The following HS6ST3 variants were observed in gnomAD, a reference collection of about 807,000 sequenced individuals.
HS6ST3 encodes the protein heparan sulfate 6-O-sulfotransferase 3.
A neutral mutation model predicts 36.7 loss-of-function variants in HS6ST3; 12 were observed. The observed-to-expected ratio is 0.33, with a 90% CI of 0.21 to 0.53. The LOEUF is 0.53. HS6ST3 is among the 20% of genes least tolerant of loss of function. The pLI is 0.95. For missense variants in HS6ST3, 584 were observed against 640.9 expected (o/e 0.91, Z 0.96); for synonymous variants, 240 against 257.5 (o/e 0.93, Z 0.65).
chr13:96,583,751 T>C (rs1051925605), intron 1 of HS6ST3, among the ~76,000 whole-genome samples: 1 of 152,202 alleles, frequency 6.6e-6, no homozygotes, highest in African/African-American at 2.4e-5. Context: ...CATACGGCTC[T>C]TTATCATCAG....
chr13:96,389,219 T>C (rs2139450573), intron 1 of HS6ST3, among the ~76,000 whole-genome samples: 1 of 152,200 alleles, frequency 6.6e-6, no homozygotes, highest in Admixed American at 6.5e-5. Context: ...TTAACAAAAC[T>C]GTACGGGACT....
At chr13:96,769,498 C>A (rs1486255533) in intron 1 of HS6ST3, among the ~76,000 whole-genome samples, 2 of 135,256 alleles carry the variant, frequency 1.5e-5, no homozygotes, top group Non-Finnish European at 3.1e-5. Context: ...AAAGGAGAAG[C>A]TGTTAATGCA....
At chr13:96,431,360 C>A (rs1467335609) in intron 1 of HS6ST3, among the ~76,000 whole-genome samples, 1 of 152,148 alleles carries the variant, frequency 6.6e-6, no homozygotes, top group Non-Finnish European at 1.5e-5. Context: ...TCCTCCAAAT[C>A]TCATTGTCAG....
chr13:96,772,188 G>A (rs1877282182), intron 1 of HS6ST3, among the ~76,000 whole-genome samples: 1 of 152,172 alleles, frequency 6.6e-6, no homozygotes, highest in African/African-American at 2.4e-5. Flanking sequence ...AACTTGCAGA[G>A]CTATCAGAGT....
intron 1 of HS6ST3, among the ~76,000 whole-genome samples, chr13:96,646,301 C>T (rs2056588438): frequency 6.6e-6 from 1 of 151,986 alleles, no homozygotes; most frequent in South Asian, 2.1e-4. Flanking sequence ...CCTTTTCATA[C>T]TTTGCTGGAT....
At position 96,459,100 on chromosome 13, in the gene HS6ST3, TAAAAA is replaced by T. The variant is rs747439262; in HGVS notation, c.707+367552_707+367556del. On this transcript the variant is annotated intron_variant, in intron 1 of 1. Transcript: ENST00000376705. ...GCCTGGGCGACAGAGCAAGACTGTC[TAAAAA>T]AAAAAAAAAAAAAAAAAAAAGAGGT... Among the ~76,000 whole-genome samples the T allele has an allele frequency of 2.2e-3, 139 of 63,872 alleles. 3 individuals carry two copies. Among genetic ancestry groups the T allele is most frequent in the Non-Finnish European group, 2.5e-3 (94 of 37,344 alleles). The allele number at this position is 63,872 out of a possible 152,430, so 41.9% of individuals were successfully genotyped here.
intron 1 of HS6ST3, among the ~76,000 whole-genome samples, chr13:96,492,731 A>G (rs1417462115): frequency 1.3e-5 from 2 of 152,190 alleles, no homozygotes; most frequent in Admixed American, 6.5e-5. Context: ...GTCTTCTTAT[A>G]TATTAACAGG....
chr13:96,257,460 A>G (rs901812805), intron 1 of HS6ST3, among the ~76,000 whole-genome samples: 1 of 152,200 alleles, frequency 6.6e-6, no homozygotes, highest in African/African-American at 2.4e-5. Context: ...AAATTTGAAC[A>G]AAGACTAGTG....
intron 1 of HS6ST3, among the ~76,000 whole-genome samples, chr13:96,421,723 C>T (rs16951472): frequency 0.16 from 23,669 of 152,008 alleles, 1,976 homozygotes; most frequent in East Asian, 0.24. Flanking sequence ...GAATGCCTTC[C>T]GTCTCCATGT....
At chr13:96,144,706 A>G (rs2054048312) in intron 1 of HS6ST3, among the ~76,000 whole-genome samples, 1 of 151,356 alleles carries the variant, frequency 6.6e-6, no homozygotes, top group South Asian at 2.1e-4. Flanking sequence ...TTTGTTACAT[A>G]TGTATACATG....
intron 1 of HS6ST3, among the ~76,000 whole-genome samples, chr13:96,460,878 C>T (rs902343933): frequency 1.3e-5 from 2 of 152,138 alleles, no homozygotes; most frequent in Non-Finnish European, 2.9e-5. Flanking sequence ...AACTTATGTT[C>T]AAACAATGCA....
chr13:96,278,441 A>G (rs1435846290), intron 1 of HS6ST3, among the ~76,000 whole-genome samples: 1 of 152,214 alleles, frequency 6.6e-6, no homozygotes, highest in Non-Finnish European at 1.5e-5. Context: ...AGAAGGGTTC[A>G]GCAAAATGAT....
intron 1 of HS6ST3, among the ~76,000 whole-genome samples, chr13:96,779,979 G>A (rs1263219210): frequency 1.3e-5 from 2 of 152,120 alleles, no homozygotes; most frequent in East Asian, 3.8e-4. Flanking sequence ...GCTTGATCCT[G>A]TCAGTGTGAG....
At chr13:96,527,497 A>C (rs1009590856) in intron 1 of HS6ST3, among the ~76,000 whole-genome samples, 9 of 152,202 alleles carry the variant, frequency 5.9e-5, no homozygotes, top group Non-Finnish European at 1.3e-4. Context: ...TACACAATGT[A>C]ACTCTAGTTA....
chr13:96,224,685 G>A (rs1257779753), intron 1 of HS6ST3, among the ~76,000 whole-genome samples: 6 of 152,208 alleles, frequency 3.9e-5, no homozygotes, highest in Admixed American at 3.9e-4. Context: ...GTTCTAGGCA[G>A]AATATAAATT....
chr13:96,294,139 C>A (rs1056807890), intron 1 of HS6ST3, among the ~76,000 whole-genome samples: 1 of 152,048 alleles, frequency 6.6e-6, no homozygotes, highest in African/African-American at 2.4e-5. Flanking sequence ...AGGAATAATT[C>A]TCTCTTATTA....
intron 1 of HS6ST3, among the ~76,000 whole-genome samples, chr13:96,155,027 A>G (rs1306420793): frequency 6.6e-6 from 1 of 152,176 alleles, no homozygotes; most frequent in Non-Finnish European, 1.5e-5. Context: ...TAGAAGCAGT[A>G]TTAATGCTCA....
intron 1 of HS6ST3, among the ~76,000 whole-genome samples, chr13:96,786,364 T>C (rs1203684950): frequency 2.6e-5 from 4 of 152,200 alleles, no homozygotes. Context: ...TTTATTTATC[T>C]ACTCTAGTGC....
chr13:96,383,566 T>G (rs1354663450), intron 1 of HS6ST3, among the ~76,000 whole-genome samples: 1 of 152,204 alleles, frequency 6.6e-6, no homozygotes, highest in African/African-American at 2.4e-5. Context: ...TGACAGAAGC[T>G]GAAGCTGAGG....
Sources: allele counts gnomAD v4.1 joint callset (sites outside exome capture counted in the v4.1 genomes callset), GRCh38; gene constraint gnomAD v4.1.1; transcripts MANE v1.5; gene names NCBI Gene and HGNC (gene_info 2026-07-23, HGNC 2026-07-21).